KCND3: variants seen among roughly 807,000 people sequenced by gnomAD.
KCND3 encodes A-type voltage-gated potassium channel KCND3.
In KCND3, 9 loss-of-function variants were observed where a neutral mutation model predicts 51.1. The ratio of observed to expected loss-of-function variants is 0.18; its 90% CI spans 0.11 to 0.31. The LOEUF (loss-of-function observed/expected upper bound fraction) is 0.31, where lower values mean the gene tolerates loss of function less well. Ranked by LOEUF, KCND3 falls within the 10% of genes least tolerant of loss-of-function variation. KCND3 has a pLI of 1.00. For missense variants in KCND3, 526 were observed against 903.8 expected (o/e 0.58, Z 5.36); for synonymous variants, 349 against 368.0 (o/e 0.95, Z 0.59).
intron 2 of KCND3, among the ~76,000 whole-genome samples, chr1:111,801,374 G>A (rs1259813807): frequency 6.6e-6 from 1 of 152,228 alleles, no homozygotes; most frequent in Non-Finnish European, 1.5e-5. Context: ...GTCCACAGAG[G>A]TGACAGGGAG....
intron 2 of KCND3, among the ~76,000 whole-genome samples, chr1:111,870,089 T>C (rs1265831319): frequency 6.6e-6 from 1 of 152,234 alleles, no homozygotes; most frequent in Non-Finnish European, 1.5e-5. Context: ...CTTGCTTGTA[T>C]CATTTAAGCC....
At chr1:111,824,227 G>A (rs111492374) in intron 2 of KCND3, among the ~76,000 whole-genome samples, 3,993 of 152,208 alleles carry the variant, frequency 0.026, 68 homozygotes, top group Non-Finnish European at 0.04. Flanking sequence ...ACAGCTCCAC[G>A]TGGAGAGCAG....
At chr1:111,980,981 A>G (rs1279888204) in intron 2 of KCND3, among the ~76,000 whole-genome samples, 2 of 152,192 alleles carry the variant, frequency 1.3e-5, no homozygotes, top group African/African-American at 4.8e-5. Flanking sequence ...AAAAAGCAAG[A>G]CTGATACTGC....
At chr1:111,802,748 A>G (rs1220580811) in intron 2 of KCND3, among the ~76,000 whole-genome samples, 2 of 152,116 alleles carry the variant, frequency 1.3e-5, no homozygotes, top group Non-Finnish European at 2.9e-5. Flanking sequence ...ATGGCCTCTA[A>G]CCTCATGTTG....
chr1:111,893,402 G>A (rs1194770878), intron 2 of KCND3, among the ~76,000 whole-genome samples: 2 of 152,170 alleles, frequency 1.3e-5, no homozygotes, highest in Non-Finnish European at 1.5e-5. Flanking sequence ...TTCAGGGAGT[G>A]CAGAATATGG....
At chr1:111,960,166 A>G (rs1479758094) in intron 2 of KCND3, among the ~76,000 whole-genome samples, 1 of 152,178 alleles carries the variant, frequency 6.6e-6, no homozygotes, top group Non-Finnish European at 1.5e-5. Flanking sequence ...CTTTATTAGC[A>G]GCATGAGAAC....
At chr1:111,918,344 G>A (rs1053363495) in intron 2 of KCND3, among the ~76,000 whole-genome samples, 1 of 152,198 alleles carries the variant, frequency 6.6e-6, no homozygotes, top group African/African-American at 2.4e-5. Context: ...CTGGAAACTT[G>A]AAAAATAGAG....
Position 111,982,722 on chromosome 1 carries a change from G to A in KCND3, c.5C>T (p.Ala2Val), listed in dbSNP as rs201340369. The A allele has an allele frequency of 6.2e-7, 1 of 1,602,310 alleles. No individual in the cohort carries two copies. The highest frequency in any genetic ancestry group is 1.7e-5 in the Admixed American group (1 of 59,880). M[A>V]AGVAAWLPFA... is the part of the protein sequence containing the mutation. ...AGGCAGCCAGGCCGCAACTCCGGCC[G>A]CCATGGTGACTCCAGCTCTTGGGCC... is the stretch of plus-strand genomic sequence containing the variant. The change falls in exon 2 of 8, where the codon GCG becomes GTG. Residue 2 changes from alanine (A) to valine (V), a missense_variant. Coordinates refer to ENST00000302127, the MANE Select transcript of KCND3 (RefSeq NM_001378969.1). The surrounding 1 kb of genome is among the most constrained non-coding windows in gnomAD (Gnocchi z 8.5).
intron 2 of KCND3, among the ~76,000 whole-genome samples, chr1:111,874,724 C>T (rs1318039319): frequency 2.6e-5 from 4 of 152,160 alleles, no homozygotes; most frequent in Non-Finnish European, 5.9e-5. Context: ...ATAAAACCAA[C>T]CCCCTATCCC....
At chr1:111,863,609 A>C (rs866262213) in intron 2 of KCND3, among the ~76,000 whole-genome samples, 23 of 152,240 alleles carry the variant, frequency 1.5e-4, no homozygotes, top group Middle Eastern at 3.2e-3. Context: ...TTGCAAGGGC[A>C]ATCAGAGGGG....
chr1:111,778,338 A>C, intron 6 of KCND3, 98 bp downstream of exon 6: 2 of 1,087,056 alleles, frequency 1.8e-6, no homozygotes, highest in Non-Finnish European at 2.9e-6. Flanking sequence ...AATCAGCAGC[A>C]CATGCACAGA....
At chr1:111,967,351 C>T (rs1169034952) in intron 2 of KCND3, among the ~76,000 whole-genome samples, 1 of 152,082 alleles carries the variant, frequency 6.6e-6, no homozygotes, top group Non-Finnish European at 1.5e-5. Flanking sequence ...CTTTAAAAAG[C>T]CTCTTGGTCC....
chr1:111,988,722 G>C (rs1446183160), intron 1 of KCND3: 1 of 152,194 alleles, frequency 6.6e-6, no homozygotes, highest in African/African-American at 2.4e-5. Context: ...AGAAAGTTCA[G>C]ACGCTCTCTC....
At chr1:111,782,938 G>T (rs1285291399) in intron 3 of KCND3, among the ~76,000 whole-genome samples, 2 of 152,118 alleles carry the variant, frequency 1.3e-5, no homozygotes, top group Admixed American at 6.5e-5. Flanking sequence ...AGCTCTTGGG[G>T]GCTGGGGCTT....
At chr1:111,872,948 T>C (rs1007367983) in intron 2 of KCND3, among the ~76,000 whole-genome samples, 3 of 152,252 alleles carry the variant, frequency 2.0e-5, no homozygotes, top group African/African-American at 7.2e-5. Flanking sequence ...CTCACTCTGA[T>C]GCTGTCTCTT....
intron 2 of KCND3, among the ~76,000 whole-genome samples, chr1:111,876,692 C>T (rs1275851093): frequency 2.6e-5 from 4 of 152,192 alleles, no homozygotes; most frequent in African/African-American, 9.7e-5. Context: ...TAGGGGTAGG[C>T]AAAGAGACAG....
intron 2 of KCND3, among the ~76,000 whole-genome samples, chr1:111,940,538 G>A (rs1017660493): frequency 4.6e-5 from 7 of 152,182 alleles, no homozygotes. Context: ...GATAGTTGTA[G>A]ATGTGTGGCA....
At chr1:111,805,016 CAG>C (rs1665498181) in intron 2 of KCND3, among the ~76,000 whole-genome samples, 1 of 152,152 alleles carries the variant, frequency 6.6e-6, no homozygotes, top group African/African-American at 2.4e-5. Context: ...GGGTGAAGCA[CAG>C]GGAGATCCTC....
At chr1:111,816,163 C>A (rs769624645) in intron 2 of KCND3, among the ~76,000 whole-genome samples, 4 of 152,246 alleles carry the variant, frequency 2.6e-5, no homozygotes, top group Admixed American at 6.5e-5. Flanking sequence ...GCCCAAAGCT[C>A]GGCCGGGTGT....
Sources: allele counts gnomAD v4.1 joint callset (sites outside exome capture counted in the v4.1 genomes callset), GRCh38; gene constraint gnomAD v4.1.1; non-coding constraint Gnocchi (gnomAD v3.1); transcripts MANE v1.5; gene names NCBI Gene and HGNC (gene_info 2026-07-23, HGNC 2026-07-21).